Variants in EMSY observed in about 807,000 individuals in gnomAD.
The protein encoded by EMSY is EMSY transcriptional repressor, BRCA2 interacting.
In EMSY, 26 loss-of-function variants were observed where a neutral mutation model predicts 134.6. The ratio of observed to expected loss-of-function variants is 0.19; its 90% CI spans 0.14 to 0.27. The LOEUF is 0.27. Among genes scored for constraint, EMSY ranks in the 10% least tolerant of loss-of-function variants. EMSY has a pLI of 1.00. For synonymous variants in EMSY, 579 were observed against 577.8 expected (o/e 1.00, Z -0.03); for missense variants, 1,305 against 1,611.4 (o/e 0.81, Z 3.26).
intron 11 of EMSY, among the ~76,000 whole-genome samples, chr11:76,519,443 C>T (rs1323973110): frequency 1.3e-5 from 2 of 152,026 alleles, no homozygotes; most frequent in African/African-American, 4.8e-5. Context: ...TTTTTGTGAG[C>T]TTTGTTGAGG....
intron 8 of EMSY, among the ~76,000 whole-genome samples, chr11:76,479,729 G>A (rs951781259): frequency 2.0e-5 from 3 of 152,192 alleles, no homozygotes; most frequent in Admixed American, 6.5e-5. Flanking sequence ...AATGACTACC[G>A]TATATGACCT....
At chr11:76,486,721 G>T (rs908425823) in intron 8 of EMSY, among the ~76,000 whole-genome samples, 1 of 152,136 alleles carries the variant, frequency 6.6e-6, no homozygotes, top group South Asian at 2.1e-4. Context: ...GGATATTTAA[G>T]AAGTTTTTAA....
At chr11:76,460,142 C>T (rs1160498627) in intron 6 of EMSY, 57 bp downstream of exon 7, 1 of 1,580,938 alleles carries the variant, frequency 6.3e-7, no homozygotes, top group Admixed American at 1.7e-5. Flanking sequence ...GCAGTCTAGG[C>T]TCTGATTAGA....
chr11:76,498,099 T>G (rs1949721879), intron 9 of EMSY, among the ~76,000 whole-genome samples: 2 of 152,216 alleles, frequency 1.3e-5, no homozygotes, highest in Non-Finnish European at 1.5e-5. Context: ...TAGAATTGTG[T>G]TGCTTAATTT....
chr11:76,536,553 C>A (rs1389763239), intron 15 of EMSY, among the ~76,000 whole-genome samples: 1 of 152,148 alleles, frequency 6.6e-6, no homozygotes, highest in Non-Finnish European at 1.5e-5. Context: ...AGACTTATTT[C>A]TTTGAATAGT....
chr11:76,493,867 A>G (rs1274517881), intron 8 of EMSY, among the ~76,000 whole-genome samples: 1 of 152,176 alleles, frequency 6.6e-6, no homozygotes, highest in Admixed American at 6.5e-5. Context: ...CAGGGCTGAA[A>G]CATGTTCCCC....
At chr11:76,497,675 A>C (rs1949708432) in intron 9 of EMSY, among the ~76,000 whole-genome samples, 1 of 152,114 alleles carries the variant, frequency 6.6e-6, no homozygotes. Context: ...TAATGGCTAT[A>C]GGATCGATAT....
intron 20 of EMSY, among the ~76,000 whole-genome samples, chr11:76,547,613 G>A (rs1951700996): frequency 6.6e-6 from 1 of 152,164 alleles, no homozygotes; most frequent in African/African-American, 2.4e-5. Flanking sequence ...ATTGATACAA[G>A]GATTACACAA....
intron 7 of EMSY, among the ~76,000 whole-genome samples, chr11:76,469,816 T>A (rs1202419249): frequency 3.9e-5 from 6 of 152,186 alleles, no homozygotes; most frequent in Non-Finnish European, 8.8e-5. Context: ...AAGCTTGTGG[T>A]CTTTTTGCCA....
intron 13 of EMSY, among the ~76,000 whole-genome samples, chr11:76,527,816 C>G (rs1011598074): frequency 6.6e-6 from 1 of 151,648 alleles, no homozygotes. Flanking sequence ...GAAGAACACT[C>G]GCTCAAACAG....
chr11:76,510,539 C>CA (rs1315604541), intron 9 of EMSY, among the ~76,000 whole-genome samples: 4 of 152,084 alleles, frequency 2.6e-5, no homozygotes, highest in Non-Finnish European at 5.9e-5. Flanking sequence ...GGGGAGCAGC[C>CA]AAAGGTCCTC....
Position 76,451,804 on chromosome 11 carries a change from C to T in EMSY, c.71-54C>T, listed in dbSNP as rs372756267. 1.5e-5 allele frequency: 17 copies of T among 1,106,640 alleles called. No homozygotes were observed. The African/African-American group carries it at 2.5e-4, about 16-fold the overall frequency. 68.6% of individuals were successfully genotyped at this position (1,106,640 alleles called of 1,614,324 possible). On this transcript the variant is annotated intron_variant, in intron 2 of 20. Transcript: ENST00000334736. ...GCCCTGAAGTTTCACTATACATAGC[C>T]ATAGTATTAAAATATTAAAGGCCTA...
At chr11:76,501,195 T>C (rs1949845274) in intron 9 of EMSY, among the ~76,000 whole-genome samples, 1 of 152,214 alleles carries the variant, frequency 6.6e-6, no homozygotes, top group Non-Finnish European at 1.5e-5. Context: ...CATGGTTGCT[T>C]GAATCTGAAG....
chr11:76,545,955 A>G (rs1951631290), exon 20 of EMSY: 1 of 1,614,112 alleles, frequency 6.2e-7, no homozygotes, highest in Non-Finnish European at 8.5e-7. Context: ...CTGAGAAGAC[A>G]GCAGTGTCTG....
chr11:76,488,368 G>A (rs1036394892), intron 8 of EMSY, among the ~76,000 whole-genome samples: 2 of 152,176 alleles, frequency 1.3e-5, no homozygotes, highest in African/African-American at 2.4e-5. Context: ...CGGGAAGCCT[G>A]AGTCAGGAGG....
chr11:76,517,496 G>T (rs1950488779), intron 11 of EMSY, among the ~76,000 whole-genome samples: 1 of 152,086 alleles, frequency 6.6e-6, no homozygotes, highest in African/African-American at 2.4e-5. Context: ...TATTTCATTG[G>T]TAGGTAGTTT....
chr11:76,507,838 T>C (rs1590928765), intron 9 of EMSY, among the ~76,000 whole-genome samples: 1 of 32,946 alleles, frequency 3.0e-5, no homozygotes, highest in East Asian at 1.8e-3. Flanking sequence ...ACAAAATGCA[T>C]TTTTTTTTCT....
chr11:76,471,593 G>T (rs1390223637), intron 7 of EMSY, among the ~76,000 whole-genome samples: 1 of 151,926 alleles, frequency 6.6e-6, no homozygotes, highest in Non-Finnish European at 1.5e-5. Context: ...TGACAATTTT[G>T]AGGAGTACTG....
chr11:76,476,821 C>T (rs995337937), intron 8 of EMSY, among the ~76,000 whole-genome samples: 1 of 152,030 alleles, frequency 6.6e-6, no homozygotes, highest in African/African-American at 2.4e-5. Flanking sequence ...GTTTAGATAC[C>T]ACAATCTGGG....
Sources: gnomAD v4.1 joint callset for allele counts (sites outside exome capture counted in the v4.1 genomes callset) on GRCh38, gnomAD v4.1.1 for gene constraint, MANE v1.5 for transcripts, NCBI Gene and HGNC (gene_info 2026-07-23, HGNC 2026-07-21) for gene names.